Variants in KCNK2 observed in about 807,000 individuals in gnomAD.
KCNK2 encodes the protein potassium channel subfamily K member 2.
In KCNK2, 21 loss-of-function variants were observed where a neutral mutation model predicts 40.5. That is an observed-to-expected ratio of 0.52 (90% confidence interval 0.37 to 0.75). The LOEUF (loss-of-function observed/expected upper bound fraction) is 0.75. KCNK2 is among the 30% of genes least tolerant of loss of function. The pLI is 0.00. For synonymous variants in KCNK2, 191 were observed against 202.2 expected, an observed-to-expected ratio of 0.94 and a Z score of 0.47; for missense variants, 399 against 531.6, an observed-to-expected ratio of 0.75 and a Z score of 2.45.
At chr1:215,064,473 C>T (rs1429648293) in intron 1 of KCNK2, among the ~76,000 whole-genome samples, 1 of 152,110 alleles carries the variant, frequency 6.6e-6, no homozygotes, top group East Asian at 1.9e-4. Context: ...TGCATCACCT[C>T]GGTGATGAGA....
intron 5 of KCNK2, among the ~76,000 whole-genome samples, chr1:215,177,179 T>A (rs1229628377): frequency 1.3e-5 from 2 of 152,106 alleles, no homozygotes; most frequent in East Asian, 3.9e-4. Flanking sequence ...CACTTTTTAG[T>A]GCTTTGCCCA....
chr1:215,065,457 G>T (rs545565948), intron 1 of KCNK2, among the ~76,000 whole-genome samples: 1 of 152,092 alleles, frequency 6.6e-6, no homozygotes, highest in Non-Finnish European at 1.5e-5. Flanking sequence ...CATGAATTGA[G>T]ATATGAAATA....
At chr1:215,032,817 C>A (rs115877653) in intron 1 of KCNK2, among the ~76,000 whole-genome samples, 2,696 of 151,924 alleles carry the variant, frequency 0.018, 76 homozygotes, top group African/African-American at 0.062. Flanking sequence ...TTTTCTTTAT[C>A]CTAATTTTTT....
chr1:215,195,378 T>C (rs985217139), intron 6 of KCNK2, among the ~76,000 whole-genome samples: 2 of 151,952 alleles, frequency 1.3e-5, no homozygotes, highest in African/African-American at 4.8e-5. Flanking sequence ...TTTTTTTGTT[T>C]TCTTTCTTTT....
intron 6 of KCNK2, among the ~76,000 whole-genome samples, chr1:215,229,964 A>G (rs1047948811): frequency 2.6e-5 from 4 of 150,972 alleles, no homozygotes; most frequent in African/African-American, 9.7e-5. Context: ...ATAATTAATA[A>G]TTGTATAGCC....
At chr1:215,034,627 G>T (rs1657322221) in intron 1 of KCNK2, among the ~76,000 whole-genome samples, 1 of 152,018 alleles carries the variant, frequency 6.6e-6, no homozygotes, top group African/African-American at 2.4e-5. Context: ...ATGTCTAGTT[G>T]TTCCAGCACC....
intron 6 of KCNK2, among the ~76,000 whole-genome samples, chr1:215,209,311 ATG>A (rs1231812449): frequency 1.6e-4 from 13 of 79,160 alleles, no homozygotes; most frequent in African/African-American, 5.8e-4. Flanking sequence ...TATTATATAT[ATG>A]AAATATACAC....
chr1:215,014,120 T>G (rs1222074716), intron 1 of KCNK2, among the ~76,000 whole-genome samples: 1 of 152,128 alleles, frequency 6.6e-6, no homozygotes, highest in Non-Finnish European at 1.5e-5. Flanking sequence ...TTATTATAGA[T>G]GAGTTTCAGT....
At chr1:215,157,066 A>C (rs987299694) in intron 3 of KCNK2, among the ~76,000 whole-genome samples, 1 of 152,058 alleles carries the variant, frequency 6.6e-6, no homozygotes, top group African/African-American at 2.4e-5. Flanking sequence ...AAACCCCAGA[A>C]ATTTATTTTC....
chr1:215,189,945 G>T (rs1049063967), intron 5 of KCNK2, among the ~76,000 whole-genome samples: 2 of 152,084 alleles, frequency 1.3e-5, no homozygotes, highest in Non-Finnish European at 2.9e-5. Context: ...CTTATAGGCT[G>T]ATTTAAAGGA....
At chr1:215,222,952 A>C (rs955763896) in intron 6 of KCNK2, among the ~76,000 whole-genome samples, 1 of 152,160 alleles carries the variant, frequency 6.6e-6, no homozygotes, top group Non-Finnish European at 1.5e-5. Context: ...TAACTCAGCT[A>C]CTTTTAATAT....
Position 215,235,000 on chromosome 1 carries a change from C to T in KCNK2, c.1136C>T (p.Pro379Leu). The T allele has an allele frequency of 4.3e-6, 7 of 1,614,038 alleles. No individual in the cohort carries two copies. Among genetic ancestry groups the T allele is most frequent in the Non-Finnish European group, 5.9e-6 (7 of 1,180,008 alleles). The change falls in exon 7 of 7, where the codon CCT becomes CTT. Residue 379 changes from proline (P) to leucine (L), a missense_variant. Pro to Leu is a moderately conservative substitution (Grantham distance 98, BLOSUM62 -3). Around this residue, in one of 3 missense-constraint regions of KCNK2, gnomAD observed 103 missense variants for 124.3 expected, o/e 0.83. Coordinates refer to ENST00000444842, the MANE Select transcript of KCNK2 (RefSeq NM_001017425.3). Reference sequence around the variant, plus strand: ...GGAAACCACAATCAGGAGCTGACTCCTTGTAGGAGGACCCTGTCAGTGAAC... The same window carrying T: ...GGAAACCACAATCAGGAGCTGACTCTTTGTAGGAGGACCCTGTCAGTGAAC... ...LAGNHNQELT[P>L]CRRTLSVNHL...
chr1:215,021,184 C>T (rs2841605), intron 1 of KCNK2, among the ~76,000 whole-genome samples: 66,775 of 151,884 alleles, frequency 0.44, 16,354 homozygotes, highest in Non-Finnish European at 0.55. Context: ...CTCAGCTTAC[C>T]AACGGAACGG....
intron 6 of KCNK2, among the ~76,000 whole-genome samples, chr1:215,233,191 G>A (rs1004748245): frequency 1.3e-5 from 2 of 152,062 alleles, no homozygotes; most frequent in African/African-American, 4.8e-5. Context: ...GTTAAGGAAA[G>A]CTTGATTTTG....
chr1:215,221,688 G>C (rs1666184669), intron 6 of KCNK2, among the ~76,000 whole-genome samples: 1 of 152,098 alleles, frequency 6.6e-6, no homozygotes, highest in Non-Finnish European at 1.5e-5. Flanking sequence ...CGATTGCAGA[G>C]GCAGAACAAA....
chr1:215,090,147 G>A (rs923126425), intron 2 of KCNK2, among the ~76,000 whole-genome samples: 11 of 151,994 alleles, frequency 7.2e-5, no homozygotes, highest in African/African-American at 2.4e-4. Context: ...TAAGAGCCAC[G>A]GATACCATTA....
chr1:215,020,966 A>C (rs996261208), intron 1 of KCNK2, among the ~76,000 whole-genome samples: 4 of 152,206 alleles, frequency 2.6e-5, no homozygotes, highest in African/African-American at 4.8e-5. Flanking sequence ...GTATAATATA[A>C]AAAATTCAAT....
intron 1 of KCNK2, among the ~76,000 whole-genome samples, chr1:215,084,322 T>C (rs1659335068): frequency 6.6e-6 from 1 of 152,122 alleles, no homozygotes; most frequent in African/African-American, 2.4e-5. Context: ...AGGTAAACAG[T>C]CTTAGTGCTT....
At chr1:215,209,476 T>TTATATATAATATAATATATAATA (rs370130203) in intron 6 of KCNK2, among the ~76,000 whole-genome samples, 1 of 43,194 alleles carries the variant, frequency 2.3e-5, no homozygotes, top group African/African-American at 1.0e-4. Context: ...ATAATATATA[T>TTATATATAATATAATATATAATA]TATATATAAT....
Sources: allele counts gnomAD v4.1 joint callset (sites outside exome capture counted in the v4.1 genomes callset), GRCh38; gene constraint gnomAD v4.1.1; regional missense constraint gnomAD v4.1.1; transcripts MANE v1.5; gene names NCBI Gene and HGNC (gene_info 2026-07-23, HGNC 2026-07-21).